Variants in SLC35F3 observed in about 807,000 individuals in gnomAD.
The protein encoded by SLC35F3 is solute carrier family 35 member F3, also known as putative thiamine transporter SLC35F3.
A neutral mutation model predicts 49.9 loss-of-function variants in SLC35F3; 25 were observed. That is an observed-to-expected ratio of 0.50 (90% CI 0.37 to 0.70). The LOEUF (loss-of-function observed/expected upper bound fraction) is 0.70. Ranked by LOEUF, SLC35F3 falls within the 30% of genes least tolerant of loss-of-function variation. SLC35F3 has a pLI of 0.00. For missense variants in SLC35F3, 525 were observed against 639.8 expected (o/e 0.82, Z 1.94); for synonymous variants, 275 against 265.4 (o/e 1.04, Z -0.35).
At chr1:234,119,612 C>T (rs1239586548) in intron 2 of SLC35F3, among the ~76,000 whole-genome samples, 1 of 152,154 alleles carries the variant, frequency 6.6e-6, no homozygotes. Context: ...AACACTTCAT[C>T]TAATCTAATC....
intron 3 of SLC35F3, among the ~76,000 whole-genome samples, chr1:234,273,938 A>G (rs745427026): frequency 2.6e-5 from 4 of 152,140 alleles, no homozygotes; most frequent in Non-Finnish European, 4.4e-5. Context: ...CATGCTGCAC[A>G]TGGTAGCATT....
intron 2 of SLC35F3, among the ~76,000 whole-genome samples, chr1:233,964,697 G>T (rs1662872321): frequency 6.6e-6 from 1 of 152,246 alleles, no homozygotes; most frequent in Admixed American, 6.5e-5. Context: ...GGACAAAGGA[G>T]TGACAGCAGA....
intron 2 of SLC35F3, among the ~76,000 whole-genome samples, chr1:234,136,900 T>A (rs1665820365): frequency 6.6e-6 from 1 of 152,190 alleles, no homozygotes; most frequent in Non-Finnish European, 1.5e-5. Context: ...GGCCACCGCT[T>A]TGGTAGTTGA....
chr1:234,130,561 C>T (rs1405926492), intron 2 of SLC35F3, among the ~76,000 whole-genome samples: 2 of 150,954 alleles, frequency 1.3e-5, no homozygotes, highest in Non-Finnish European at 2.9e-5. Context: ...ATGGCGTGAA[C>T]CCGGGAGGTG....
At chr1:234,014,346 A>G (rs1488525806) in intron 2 of SLC35F3, among the ~76,000 whole-genome samples, 1 of 152,166 alleles carries the variant, frequency 6.6e-6, no homozygotes, top group Non-Finnish European at 1.5e-5. Context: ...CTTTAGCACA[A>G]TAGAGGCCGT....
intron 3 of SLC35F3, among the ~76,000 whole-genome samples, chr1:234,266,178 T>C (rs1667976293): frequency 6.6e-6 from 1 of 152,234 alleles, no homozygotes; most frequent in Non-Finnish European, 1.5e-5. Flanking sequence ...CCTAGAGTAG[T>C]GCCTGGTGTA....
intron 2 of SLC35F3, among the ~76,000 whole-genome samples, chr1:234,060,012 A>C (rs1380318691): frequency 1.3e-5 from 2 of 152,238 alleles, no homozygotes; most frequent in East Asian, 3.8e-4. Context: ...ACCCAAGATC[A>C]ATATTGCATC....
chr1:234,078,958 GA>G (rs1031583897), intron 2 of SLC35F3, among the ~76,000 whole-genome samples: 36 of 152,080 alleles, frequency 2.4e-4, no homozygotes, highest in African/African-American at 8.7e-4. Context: ...CTCTTTTCCA[GA>G]AAAAAATCAA....
intron 2 of SLC35F3, among the ~76,000 whole-genome samples, chr1:234,156,569 G>T (rs957320482): frequency 6.6e-6 from 1 of 152,130 alleles, no homozygotes; most frequent in Non-Finnish European, 1.5e-5. Flanking sequence ...AAAAGCTACA[G>T]TTACTTAGAA....
At chr1:233,912,409 G>A (rs990321291) in intron 2 of SLC35F3, among the ~76,000 whole-genome samples, 14 of 152,206 alleles carry the variant, frequency 9.2e-5, no homozygotes, top group African/African-American at 2.6e-4. Flanking sequence ...TCCGGGAGGC[G>A]GAGGTTGCAG....
intron 2 of SLC35F3, among the ~76,000 whole-genome samples, chr1:233,966,569 A>G (rs1245258753): frequency 6.6e-6 from 1 of 152,198 alleles, no homozygotes; most frequent in African/African-American, 2.4e-5. Flanking sequence ...GATGGGAGAT[A>G]CCCACCAACT....
chr1:234,092,373 G>C (rs1665056351), intron 2 of SLC35F3, among the ~76,000 whole-genome samples: 1 of 152,194 alleles, frequency 6.6e-6, no homozygotes, highest in African/African-American at 2.4e-5. Flanking sequence ...CTTAGACCAG[G>C]CTGTTATAAA....
At chr1:234,230,043 T>C (rs561069153) in intron 2 of SLC35F3, among the ~76,000 whole-genome samples, 20 of 152,294 alleles carry the variant, frequency 1.3e-4, no homozygotes, top group African/African-American at 4.6e-4. Context: ...CTTTTCAACT[T>C]GGATATGTGA....
chr1:234,127,665 C>G (rs1665668925), intron 2 of SLC35F3, among the ~76,000 whole-genome samples: 1 of 151,942 alleles, frequency 6.6e-6, no homozygotes, highest in Non-Finnish European at 1.5e-5. Flanking sequence ...GAGATGATAA[C>G]TAAGGTATTT....
At chr1:234,310,726 A>G (rs542100616) in intron 4 of SLC35F3, among the ~76,000 whole-genome samples, 2 of 152,210 alleles carry the variant, frequency 1.3e-5, no homozygotes, top group Non-Finnish European at 2.9e-5. Flanking sequence ...TGTCCCTAGA[A>G]AATTCCAAAT....
At chr1:234,284,526 G>T (rs1175532411) in intron 3 of SLC35F3, among the ~76,000 whole-genome samples, 1 of 152,204 alleles carries the variant, frequency 6.6e-6, no homozygotes, top group Non-Finnish European at 1.5e-5. Flanking sequence ...TGCAAATGGA[G>T]CTCTTTCTGT....
intron 2 of SLC35F3, among the ~76,000 whole-genome samples, chr1:234,166,992 T>G (rs1265960513): frequency 6.6e-6 from 1 of 152,216 alleles, no homozygotes; most frequent in Non-Finnish European, 1.5e-5. Context: ...GTCAGCCACT[T>G]GTAGGGTGTG....
chr1:234,190,072 A>C (rs886914769), intron 2 of SLC35F3, among the ~76,000 whole-genome samples: 1 of 152,226 alleles, frequency 6.6e-6, no homozygotes, highest in Admixed American at 6.5e-5. Flanking sequence ...AGGAGCTCTA[A>C]ATCTTGAAAC....
chr1:234,078,638 A>G (rs1329814692), intron 2 of SLC35F3, among the ~76,000 whole-genome samples: 1 of 152,162 alleles, frequency 6.6e-6, no homozygotes, highest in East Asian at 1.9e-4. Flanking sequence ...GTATCTGGCC[A>G]ATAGATGCTT....
Sources: allele counts gnomAD v4.1 joint callset (sites outside exome capture counted in the v4.1 genomes callset), GRCh38; gene constraint gnomAD v4.1.1; transcripts MANE v1.5; gene names NCBI Gene and HGNC (gene_info 2026-07-23, HGNC 2026-07-21).